Variants in SOCS5 observed in about 807,000 individuals in gnomAD.
SOCS5 encodes suppressor of cytokine signaling 5, also known as CIS-6.
Under a neutral mutation model 42.8 loss-of-function variants are expected in SOCS5, and 32 were observed. That is an observed-to-expected ratio of 0.75 (90% CI 0.56 to 1.01). The LOEUF (loss-of-function observed/expected upper bound fraction) is 1.01. Ranked by LOEUF, SOCS5 falls within the 50% of genes least tolerant of loss-of-function variation. The pLI is 0.00. For synonymous variants in SOCS5, 283 were observed against 229.6 expected, an observed-to-expected ratio of 1.23 and a Z score of -2.10; for missense variants, 627 against 653.0, an observed-to-expected ratio of 0.96 and a Z score of 0.43.
chr2:46,737,864 A>C (rs1384919785), intron 1 of SOCS5, among the ~76,000 whole-genome samples: 1 of 152,112 alleles, frequency 6.6e-6, no homozygotes. Flanking sequence ...TCTAAAAAAA[A>C]AAAAAATTGG....
intron 1 of SOCS5, 73 bp from the exon 2 acceptor site, chr2:46,758,446 G>A: frequency 2.0e-6 from 2 of 987,322 alleles, no homozygotes; most frequent in Non-Finnish European, 3.0e-6. Flanking sequence ...GAAGGGGTGT[G>A]GGCACTGCCT....
intron 1 of SOCS5, among the ~76,000 whole-genome samples, chr2:46,739,791 G>T (rs1198977201): frequency 6.6e-6 from 1 of 152,090 alleles, no homozygotes; most frequent in Non-Finnish European, 1.5e-5. Context: ...ACACACATAT[G>T]TATACATGTC....
In SOCS5 at chr2:46,761,773, T is replaced by C. The variant is rs1673876058; in HGVS notation, c.*1632T>C. ...AATAAGCTAACTCTAAATTTAATGC[T>C]CTACATCTTATCAGTCATAATTATA... On this transcript the variant is annotated 3_prime_UTR_variant, in exon 2 of 2. Transcript: ENST00000394861. 1 of 166,606 alleles carries C rather than the reference T, an allele frequency of 6.0e-6. No homozygotes were observed. Among genetic ancestry groups the C allele is most frequent in the South Asian group, 2.1e-4 (1 of 4,836 alleles). 10.3% of individuals were successfully genotyped at this position (166,606 alleles called of 1,614,324 possible).
intron 1 of SOCS5, among the ~76,000 whole-genome samples, chr2:46,725,274 G>A (rs1672966669): frequency 6.6e-6 from 1 of 151,672 alleles, no homozygotes; most frequent in South Asian, 2.1e-4. Flanking sequence ...TAAATTTCTT[G>A]TAGGTGGCAT....
Position 46,758,705 on chromosome 2 carries a change from T to G in SOCS5, c.175T>G (p.Leu59Val). Residue 59 changes from leucine (L) to valine (V), a missense_variant, in exon 2 of 2, where the codon TTA becomes GTA. Leu to Val is a conservative substitution (Grantham distance 32, BLOSUM62 1). This residue lies in a region of SOCS5 where 278 missense variants were observed against 246.3 expected (regional missense o/e 1.13). Coordinates refer to ENST00000394861, the MANE Select transcript of SOCS5 (RefSeq NM_144949.3). ...DSTPQQQSSP[L>V]RENIALQLGL... ...AACTCCTCAGCAACAAAGCAGTCCCTTAAGAGAAAATATTGCCTTACAACT... is the reference window on the plus strand; with the variant it reads ...AACTCCTCAGCAACAAAGCAGTCCCGTAAGAGAAAATATTGCCTTACAACT... The G allele has an allele frequency of 1.9e-6, 3 of 1,614,134 alleles. No homozygotes were observed. In the South Asian group the frequency reaches 3.3e-5, roughly 18 times the overall value.
Position 46,730,669 on chromosome 2 carries a change from A to T in SOCS5, c.-12-27850A>T, listed in dbSNP as rs542300278. 2.0e-5 allele frequency among the ~76,000 whole-genome samples: 3 copies of T among 152,354 alleles called. No homozygotes were observed. In the East Asian group the frequency reaches 5.8e-4, roughly 29 times the overall value. On this transcript the variant is annotated intron_variant, in intron 1 of 1. Coordinates refer to ENST00000394861, the MANE Select transcript of SOCS5 (RefSeq NM_144949.3). ...TACAATTTTTTCCCATGAAATATTA[A>T]ATGTATAACTAAATTTAATTTGCAT... is the stretch of plus-strand genomic sequence containing the variant.
chr2:46,705,562 C>A (rs893989938), intron 1 of SOCS5, among the ~76,000 whole-genome samples: 1 of 152,174 alleles, frequency 6.6e-6, no homozygotes, highest in African/African-American at 2.4e-5. Context: ...ATATGCTTAA[C>A]GCTAAAGGAT....
chr2:46,723,279 G>A (rs1378268012), intron 1 of SOCS5, among the ~76,000 whole-genome samples: 1 of 151,732 alleles, frequency 6.6e-6, no homozygotes, highest in Non-Finnish European at 1.5e-5. Context: ...AGTTTTATAG[G>A]TTGGCATTCT....
In SOCS5 at chr2:46,762,079, A is replaced by G. The variant is rs896010102; in HGVS notation, c.*1938A>G. The G allele has an allele frequency of 6.0e-6, 1 of 167,018 alleles. No individual in the cohort carries two copies. Among genetic ancestry groups the G allele is most frequent in the Non-Finnish European group, 1.5e-5 (1 of 68,072 alleles). The allele number at this position is 167,018 out of a possible 1,614,324, so 10.3% of individuals were successfully genotyped here. ...ATGCCCAAAATGTAGAACTTTAACC[A>G]AAGACTTGTCCCTTTTAAAGCAAAA... On this transcript the variant is annotated 3_prime_UTR_variant, in exon 2 of 2. Transcript: ENST00000394861.
At chr2:46,719,230 A>G (rs1672825069) in intron 1 of SOCS5, among the ~76,000 whole-genome samples, 1 of 152,208 alleles carries the variant, frequency 6.6e-6, no homozygotes, top group Non-Finnish European at 1.5e-5. Flanking sequence ...GCAGGATGAT[A>G]CATGTCCAAT....
Position 46,707,934 on chromosome 2 carries a change from T to G in SOCS5, c.-13+8485T>G, listed in dbSNP as rs150476935. The stretch of plus-strand genomic sequence containing the variant: ...TGCATTAGCCTATAGTTGGGCAAAA[T>G]CATCTAACACGAAGTCTGTTTTATA... On this transcript the variant is annotated intron_variant, in intron 1 of 1. Transcript: ENST00000394861. 9.6e-3 allele frequency among the ~76,000 whole-genome samples: 1,464 copies of G among 152,296 alleles called. 13 individuals are homozygous for G. Among genetic ancestry groups the G allele is most frequent in the Admixed American group, 0.016 (242 of 15,296 alleles).
intron 1 of SOCS5, among the ~76,000 whole-genome samples, chr2:46,751,718 G>C (rs1361894752): frequency 3.3e-5 from 5 of 151,836 alleles, no homozygotes; most frequent in African/African-American, 1.2e-4. Flanking sequence ...TTAGAGTATT[G>C]ATCTTCAAAC....
At chr2:46,725,702 G>A (rs991504322) in intron 1 of SOCS5, among the ~76,000 whole-genome samples, 5 of 151,962 alleles carry the variant, frequency 3.3e-5, no homozygotes, top group Non-Finnish European at 7.4e-5. Context: ...GCATTCATTG[G>A]ATGGTTACCA....
intron 1 of SOCS5, among the ~76,000 whole-genome samples, chr2:46,707,312 CAT>C (rs1672518485): frequency 6.6e-6 from 1 of 152,056 alleles, no homozygotes; most frequent in African/African-American, 2.4e-5. Flanking sequence ...CTGTATTGAC[CAT>C]GTTAATAAGG....
chr2:46,759,112 C>G lies in SOCS5; in HGVS notation c.582C>G (p.Tyr194Ter). The change falls in exon 2 of 2, where the codon TAC becomes TAG. Residue 194 changes from tyrosine (Y) to a stop codon, truncating the protein, a stop_gained. Coordinates refer to ENST00000394861, the MANE Select transcript of SOCS5 (RefSeq NM_144949.3). LOFTEE classifies it high-confidence loss of function. ...TVGLCFPMRTYSKQSKPLFSN... is the reference protein window; with the variant it reads ...TVGLCFPMRT The stretch of plus-strand genomic sequence containing the variant: ...GCTTGTGTTTTCCCATGAGAACTTA[C>G]AGCAAGCAGTCAAAGCCTCTCTTTT... 3.1e-6 allele frequency: 5 copies of G among 1,613,968 alleles called. No homozygotes were observed. Among genetic ancestry groups the G allele is most frequent in the Non-Finnish European group, 4.2e-6 (5 of 1,179,834 alleles).
At chr2:46,705,696 A>T (rs908930911) in intron 1 of SOCS5, among the ~76,000 whole-genome samples, 1 of 152,196 alleles carries the variant, frequency 6.6e-6, no homozygotes, top group Non-Finnish European at 1.5e-5. Flanking sequence ...GACATTGGCT[A>T]TTTACATGAG....
At chr2:46,756,224 C>G (rs1673726946) in intron 1 of SOCS5, among the ~76,000 whole-genome samples, 1 of 152,114 alleles carries the variant, frequency 6.6e-6, no homozygotes, top group African/African-American at 2.4e-5. Flanking sequence ...CTTTAGATAG[C>G]TACAAAATTT....
intron 1 of SOCS5, among the ~76,000 whole-genome samples, chr2:46,737,520 GC>G (rs1424390539): frequency 6.6e-6 from 1 of 152,150 alleles, no homozygotes; most frequent in Non-Finnish European, 1.5e-5. Context: ...ATTTTTGGAT[GC>G]TTGGTTGCTA....
chr2:46,744,684 T>C (rs1673459715), intron 1 of SOCS5, among the ~76,000 whole-genome samples: 2 of 151,866 alleles, frequency 1.3e-5, no homozygotes, highest in Admixed American at 1.3e-4. Flanking sequence ...CATGCCCCCA[T>C]GCCCGCTAAT....
Sources: gnomAD v4.1 joint callset for allele counts (sites outside exome capture counted in the v4.1 genomes callset) on GRCh38, gnomAD v4.1.1 for gene constraint, gnomAD v4.1.1 regional missense constraint, MANE v1.5 for transcripts, NCBI Gene and HGNC (gene_info 2026-07-23, HGNC 2026-07-21) for gene names.